ABHD3: variants seen among roughly 807,000 people sequenced by gnomAD.
ABHD3 encodes phospholipase ABHD3.
A neutral mutation model predicts 48.8 loss-of-function variants in ABHD3; 46 were observed. That is an observed-to-expected ratio of 0.94 (90% CI 0.74 to 1.20). ABHD3 has a LOEUF of 1.20. ABHD3 is among the 50% of genes most tolerant of loss of function. The probability of loss-of-function intolerance (pLI) is 0.00; values close to 1 mark genes in which losing one functional copy is unlikely to be tolerated. For missense variants in ABHD3, 490 were observed against 497.8 expected (o/e 0.98, Z 0.15); for synonymous variants, 192 against 183.7 (o/e 1.04, Z -0.36).
intron 4 of ABHD3, 99 bp downstream of exon 4, chr18:21,683,821 T>C: frequency 3.3e-6 from 4 of 1,224,378 alleles, no homozygotes; most frequent in Middle Eastern, 2.3e-4. Flanking sequence ...ATTGCTTACA[T>C]AAACAGAGTT....
chr18:21,652,249 T>C (rs1454371812), intron 8 of ABHD3, among the ~76,000 whole-genome samples: 1 of 151,948 alleles, frequency 6.6e-6, no homozygotes, highest in Non-Finnish European at 1.5e-5. Context: ...TCCTAGCACT[T>C]TGGGAGGCCG....
Position 21,704,700 on chromosome 18 carries a change from G to T in ABHD3, c.-35C>A, listed in dbSNP as rs770728465. Reference sequence around the variant, plus strand: ...GCGCGGCGCGCGGGTCCTGCGGCGGGAGGAGAGCCGGCTGGCGAGCGGGCG... The same window carrying T: ...GCGCGGCGCGCGGGTCCTGCGGCGGTAGGAGAGCCGGCTGGCGAGCGGGCG... On this transcript the variant is annotated 5_prime_UTR_variant, in exon 1 of 9. Transcript: ENST00000289119. The T allele has an allele frequency of 2.2e-6, 3 of 1,382,188 alleles. No individual in the cohort carries two copies. The highest frequency in any genetic ancestry group is 3.9e-5 in the African/African-American group (2 of 51,142). 85.6% of individuals were successfully genotyped at this position (1,382,188 alleles called of 1,614,324 possible).
At chr18:21,691,786 C>T (rs2040257467) in intron 3 of ABHD3, among the ~76,000 whole-genome samples, 1 of 152,140 alleles carries the variant, frequency 6.6e-6, no homozygotes. Context: ...TATGCATTAT[C>T]ATATTAAGCA....
At chr18:21,666,732 C>A (rs1165259737) in intron 4 of ABHD3, among the ~76,000 whole-genome samples, 1 of 152,090 alleles carries the variant, frequency 6.6e-6, no homozygotes, top group African/African-American at 2.4e-5. Flanking sequence ...GACCATGCTT[C>A]AATATATAAC....
chr18:21,668,496 T>C (rs932401693), intron 4 of ABHD3, among the ~76,000 whole-genome samples: 1 of 151,994 alleles, frequency 6.6e-6, no homozygotes, highest in Non-Finnish European at 1.5e-5. Context: ...CTAAGGAAAA[T>C]TGCTAGGATC....
In ABHD3 at chr18:21,678,037, C is replaced by G. The variant is rs1469789338; in HGVS notation, c.555+5883G>C. ...ATGGCACAAACACAGCTCACTGCAG[C>G]CTCAAACTCCTGGGGCTCAAGCAAT... is the stretch of plus-strand genomic sequence containing the variant. On this transcript the variant is annotated intron_variant, in intron 4 of 8. Coordinates refer to ENST00000289119, the MANE Select transcript of ABHD3 (RefSeq NM_138340.5). Among the ~76,000 whole-genome samples, 3 of 151,912 alleles carry G rather than the reference C, an allele frequency of 2.0e-5. No individual in the cohort carries two copies. The East Asian group carries it at 5.8e-4, about 29-fold the overall frequency.
chr18:21,703,604 C>T lies in ABHD3; in HGVS notation c.306G>A (p.Lys102=). 6.2e-7 allele frequency: 1 copy of T among 1,613,318 alleles called. No individual in the cohort carries two copies. Residue 102 remains lysine (K), a synonymous_variant, in exon 2 of 9, where the codon AAG becomes AAA. Coordinates refer to ENST00000289119, the MANE Select transcript of ABHD3 (RefSeq NM_138340.5). ...QTLLRPFITS[K]PPVQYRNELI... is the part of the protein sequence containing the mutation. ...CTTACTTCCTGTACTGCACCGGGGG[C>T]TTCGAAGTGATGAAAGGTCTAAGCA...
chr18:21,659,405 T>C, intron 5 of ABHD3, 62 bp from the exon 6 acceptor site: 2 of 1,499,044 alleles, frequency 1.3e-6, no homozygotes, highest in Non-Finnish European at 1.8e-6. Context: ...AGACATCCAT[T>C]TCTAACTACA....
chr18:21,657,145 G>A lies in ABHD3; in HGVS notation c.850C>T (p.His284Tyr), dbSNP rs1443822339. The A allele has an allele frequency of 6.2e-7, 1 of 1,605,952 alleles. No homozygotes were observed. The highest frequency in any genetic ancestry group is 8.5e-7 in the Non-Finnish European group (1 of 1,176,118). The change falls in exon 7 of 9, where the codon CAT (histidine) becomes TAT (tyrosine). Residue 284 changes from histidine (H) to tyrosine (Y), a missense_variant. Physicochemically the swap from His to Tyr is moderately conservative, Grantham distance 83 (BLOSUM62 2). Transcript: ENST00000289119. ...ATATCAACTTGTTTTACAAACATATGTCGGTGCCTGGAACAAAAGAATTTC... is the reference window on the plus strand; with the variant it reads ...ATATCAACTTGTTTTACAAACATATATCGGTGCCTGGAACAAAAGAATTTC... The part of the protein sequence containing the change: ...CLQSSVNKHR[H>Y]MFVKQVDMDH...
At position 21,659,179 on chromosome 18, in the gene ABHD3, G is replaced by T; in HGVS notation, c.833C>A (p.Ser278Ter). ...TTTAAAGATGACTCACTTATTAACTGAAGACTGAAGGCAGGTTGTCAAATA... is the reference window on the plus strand; with the variant it reads ...TTTAAAGATGACTCACTTATTAACTTAAGACTGAAGGCAGGTTGTCAAATA... ...NYYLTTCLQS[S>*]VNKHRHMFVK... Residue 278 changes from serine (S) to a stop codon, truncating the protein, a stop_gained, in exon 6 of 9, where the codon TCA (serine) becomes TAA (stop). Transcript: ENST00000289119. LOFTEE classifies it high-confidence loss of function. The T allele has an allele frequency of 1.2e-6, 2 of 1,613,202 alleles. No homozygotes were observed. Among genetic ancestry groups the T allele is most frequent in the Non-Finnish European group, 1.7e-6 (2 of 1,179,746 alleles).
rs114793956 is a variant in ABHD3, at chr18:21,703,088, T to C, written c.326+496A>G. On this transcript the variant is annotated intron_variant, in intron 2 of 8. Transcript: ENST00000289119. Reference sequence around the variant, plus strand: ...GGCACCATTTAAATCTGGTTCCTGATAAATCCTGGACCGTATCTTTAACAC... The same window carrying C: ...GGCACCATTTAAATCTGGTTCCTGACAAATCCTGGACCGTATCTTTAACAC... Among the ~76,000 whole-genome samples, 315 of 152,222 alleles carry C rather than the reference T, an allele frequency of 2.1e-3. 2 individuals carry two copies. The highest frequency in any genetic ancestry group is 7.4e-3 in the African/African-American group (306 of 41,518).
At chr18:21,654,392 T>C (rs2039298191) in intron 8 of ABHD3, among the ~76,000 whole-genome samples, 1 of 152,116 alleles carries the variant, frequency 6.6e-6, no homozygotes, top group African/African-American at 2.4e-5. Flanking sequence ...AAATTGACTG[T>C]TTAGACAGTG....
Position 21,697,137 on chromosome 18 carries a change from G to A in ABHD3, c.509+5179C>T, listed in dbSNP as rs1238511360. Among the ~76,000 whole-genome samples the A allele has an allele frequency of 5.5e-5, 8 of 145,802 alleles. No homozygotes were observed. The East Asian group carries it at 1.4e-3, about 26-fold the overall frequency. ...GTCGCCCTGGCTGGAGTGCAGTGGT[G>A]CGATCTCGGATTACTGCAACCTCCA... is the stretch of plus-strand genomic sequence containing the variant. On this transcript the variant is annotated intron_variant, in intron 3 of 8. Coordinates refer to ENST00000289119, the MANE Select transcript of ABHD3 (RefSeq NM_138340.5).
At chr18:21,653,911 G>A (rs2039286722) in intron 8 of ABHD3, among the ~76,000 whole-genome samples, 1 of 149,380 alleles carries the variant, frequency 6.7e-6, no homozygotes, top group Non-Finnish European at 1.5e-5. Context: ...GTGTGATCTC[G>A]GCTGGCTTAC....
chr18:21,651,901 G>A, intron 8 of ABHD3, 138 bp from the exon 9 acceptor site: 1 of 719,702 alleles, frequency 1.4e-6, no homozygotes, highest in Non-Finnish European at 2.1e-6. Context: ...ATAAATATAT[G>A]TAATGAGCAT....
Position 21,704,521 on chromosome 18 carries a change from GGTA to G in ABHD3, c.142_144del (p.Tyr48del). 1 of 1,493,468 alleles carries G rather than the reference GGTA, an allele frequency of 6.7e-7. No homozygotes were observed. The highest frequency in any genetic ancestry group is 8.9e-7 in the Non-Finnish European group (1 of 1,119,274). The allele number at this position is 1,493,468 out of a possible 1,614,324, so 92.5% of individuals were successfully genotyped here. A position where few individuals can be genotyped will look rare whatever the true frequency, so the allele number is the denominator to read the frequency against. Reference sequence around the variant, plus strand: ...CGGCTCACCTTGGCAATGCTGCTCAGGTAGTAGAAGGCATAAGCGACGCTGAAG... The same window carrying G: ...CGGCTCACCTTGGCAATGCTGCTCAGGTAGAAGGCATAAGCGACGCTGAAG... On this transcript the variant is annotated inframe_deletion, in exon 1 of 9. Transcript: ENST00000289119.
chr18:21,700,952 CAAAAAAAAAAAAA>C (rs34993965), intron 3 of ABHD3, among the ~76,000 whole-genome samples: 3 of 81,664 alleles, frequency 3.7e-5, no homozygotes, highest in East Asian at 7.8e-4. Flanking sequence ...GATTTGGCCT[CAAAAAAAAAAAAA>C]AAAAAAAAAA....
chr18:21,667,630 A>G (rs2039664432), intron 4 of ABHD3, among the ~76,000 whole-genome samples: 1 of 152,118 alleles, frequency 6.6e-6, no homozygotes, highest in African/African-American at 2.4e-5. Context: ...ATCTGCAAAC[A>G]TGACTCTCTG....
At chr18:21,667,800 CT>C (rs1312579891) in intron 4 of ABHD3, among the ~76,000 whole-genome samples, 3 of 152,204 alleles carry the variant, frequency 2.0e-5, no homozygotes, top group Admixed American at 1.3e-4. Flanking sequence ...ATCTTAACAG[CT>C]ACTAACTGAC....
Sources: allele counts gnomAD v4.1 joint callset (sites outside exome capture counted in the v4.1 genomes callset), GRCh38; gene constraint gnomAD v4.1.1; transcripts MANE v1.5; gene names NCBI Gene and HGNC (gene_info 2026-07-23, HGNC 2026-07-21).